Variants in ARHGAP44 observed in about 807,000 individuals in gnomAD.
ARHGAP44 encodes rho GTPase-activating protein 44.
A neutral mutation model predicts 106.8 loss-of-function variants in ARHGAP44; 43 were observed. The ratio of observed to expected loss-of-function variants is 0.40; its 90% CI spans 0.32 to 0.52. The LOEUF is 0.52. Ranked by LOEUF, ARHGAP44 falls within the 20% of genes least tolerant of loss-of-function variation. ARHGAP44 has a pLI of 0.48. For synonymous variants in ARHGAP44, 439 were observed against 410.3 expected (o/e 1.07, Z -0.85); for missense variants, 866 against 1,050.5 (o/e 0.82, Z 2.43).
intron 20 of ARHGAP44, 62 bp from the exon 21 acceptor site, chr17:12,989,970 A>T (rs1372810452): frequency 5.1e-6 from 8 of 1,581,378 alleles, no homozygotes; most frequent in Middle Eastern, 1.7e-4. Context: ...ATTTGCCTAC[A>T]ACTAGGTTCT....
Position 12,980,208 on chromosome 17 carries a change from C to A in ARHGAP44, c.1914C>A (p.Asp638Glu). The A allele has an allele frequency of 6.2e-7, 1 of 1,613,220 alleles. No individual in the cohort carries two copies. The highest frequency in any genetic ancestry group is 8.5e-7 in the Non-Finnish European group (1 of 1,179,800). ...ASPSPSQPPA[D>E]QSPHTLRKVS... ...CCAGCCCCAGCCAGCCGCCTGCAGA[C>A]CAGAGTCCTCACACCCTCCGGAAAG... Residue 638 changes from aspartate (D) to glutamate (E), a missense_variant, in exon 19 of 21, where the codon GAC becomes GAA. By Grantham distance (45) the Asp-to-Glu change is conservative. This residue lies in a region of ARHGAP44 where 418 missense variants were observed against 403.6 expected (regional missense o/e 1.04). Transcript: ENST00000379672.
intron 16 of ARHGAP44, among the ~76,000 whole-genome samples, chr17:12,964,656 C>T (rs375266426): frequency 1.5e-4 from 23 of 152,084 alleles, no homozygotes; most frequent in African/African-American, 5.1e-4. Context: ...TGGTGGCAGA[C>T]GCCTATAATC....
At chr17:12,900,182 C>T (rs140650265) in intron 3 of ARHGAP44, among the ~76,000 whole-genome samples, 2,323 of 151,272 alleles carry the variant, frequency 0.015, 60 homozygotes, top group African/African-American at 0.053. Context: ...CAGGCTGGAG[C>T]GCAGTGGCAC....
intron 1 of ARHGAP44, among the ~76,000 whole-genome samples, chr17:12,814,212 G>A (rs537239234): frequency 1.4e-5 from 2 of 146,660 alleles, no homozygotes; most frequent in East Asian, 2.0e-4. Flanking sequence ...CCCTGTTACT[G>A]TGCAGCCACC....
rs1035605963 is a variant in ARHGAP44 at position 12,930,227 on chromosome 17, T to TTC, written c.582+1193_582+1194dup. On this transcript the variant is annotated intron_variant, in intron 7 of 20. Transcript: ENST00000379672. Reference sequence around the variant, plus strand: ...TACTGTGTTTTCTTTTTTTATTCTTTTCTCTCTCTCTCTTTTTTTTTTTGA... The same window carrying TTC: ...TACTGTGTTTTCTTTTTTTATTCTTTTCTCTCTCTCTCTCTTTTTTTTTTTGA... Among the ~76,000 whole-genome samples, 95 of 152,176 alleles carry TTC rather than the reference T, an allele frequency of 6.2e-4. 2 individuals carry two copies. The highest frequency in any genetic ancestry group is 5.8e-3 in the South Asian group (28 of 4,814).
intron 20 of ARHGAP44, chr17:12,985,233 G>T: frequency 3.6e-6 from 1 of 277,202 alleles, no homozygotes; most frequent in Non-Finnish European, 6.7e-6. Context: ...CTGGAAGCTG[G>T]TTATGATCAC....
chr17:12,818,938 G>A (rs886918202), intron 1 of ARHGAP44, among the ~76,000 whole-genome samples: 5 of 152,068 alleles, frequency 3.3e-5, no homozygotes, highest in Non-Finnish European at 7.4e-5. Flanking sequence ...AAATTTGCAT[G>A]GATAGGCAAA....
chr17:12,987,176 C>T (rs2039981951), intron 20 of ARHGAP44: 9 of 1,527,598 alleles, frequency 5.9e-6, no homozygotes, highest in South Asian at 2.4e-5. Flanking sequence ...GGCCTCGCCC[C>T]TCCACCCCGC....
intron 1 of ARHGAP44, among the ~76,000 whole-genome samples, chr17:12,875,819 C>T (rs1464535838): frequency 1.3e-5 from 2 of 152,154 alleles, no homozygotes; most frequent in Non-Finnish European, 2.9e-5. Context: ...TGGCAGGTGC[C>T]TGTAATCCCA....
At chr17:12,946,051 A>T (rs146600773) in intron 10 of ARHGAP44, among the ~76,000 whole-genome samples, 109 of 152,278 alleles carry the variant, frequency 7.2e-4, no homozygotes, top group Middle Eastern at 6.8e-3. Flanking sequence ...GAGCCACCGC[A>T]CTGGGCCTCA....
intron 12 of ARHGAP44, among the ~76,000 whole-genome samples, chr17:12,950,693 A>G (rs2038972559): frequency 6.6e-6 from 1 of 152,146 alleles, no homozygotes. Context: ...CACAAAGATG[A>G]TGGAGACGAG....
At chr17:12,924,968 CTG>C (rs1316936275) in intron 6 of ARHGAP44, among the ~76,000 whole-genome samples, 3 of 152,066 alleles carry the variant, frequency 2.0e-5, no homozygotes, top group Admixed American at 6.6e-5. Context: ...GGAGTGGAAA[CTG>C]TGCAGGCTAT....
At position 12,901,614 on chromosome 17, in the gene ARHGAP44, A is replaced by G. The variant is rs78690186; in HGVS notation, c.198+5103A>G. ...GGATGTGGGCGTATGAAGAAGAGAG[A>G]GAGGTCTCATGGTCTCAACCCCAAG... On this transcript the variant is annotated intron_variant, in intron 3 of 20. Coordinates refer to ENST00000379672, the MANE Select transcript of ARHGAP44 (RefSeq NM_014859.6). Among the ~76,000 whole-genome samples, 392 of 152,130 alleles carry G rather than the reference A, an allele frequency of 2.6e-3. 9 individuals are homozygous for G. The East Asian group carries it at 0.044, about 17-fold the overall frequency.
At chr17:12,916,058 G>T in intron 5 of ARHGAP44, 47 bp downstream of exon 5, 1 of 1,433,060 alleles carries the variant, frequency 7.0e-7, no homozygotes, top group South Asian at 1.2e-5. Context: ...AGGAGGTACC[G>T]AACAGGAGCC....
chr17:12,913,680 G>A (rs567589000), intron 4 of ARHGAP44, among the ~76,000 whole-genome samples: 2 of 112,242 alleles, frequency 1.8e-5, no homozygotes, highest in Non-Finnish European at 3.3e-5. Context: ...TTGGGAGGCC[G>A]AGGCAGGTGG....
intron 1 of ARHGAP44, among the ~76,000 whole-genome samples, chr17:12,794,313 C>CA (rs1425884596): frequency 6.6e-6 from 1 of 152,006 alleles, no homozygotes; most frequent in Non-Finnish European, 1.5e-5. Context: ...CCAGTCTGCA[C>CA]AGTGGGTTCA....
intron 2 of ARHGAP44, among the ~76,000 whole-genome samples, chr17:12,895,897 G>A: frequency 6.6e-6 from 1 of 152,144 alleles, no homozygotes; most frequent in Non-Finnish European, 1.5e-5. Flanking sequence ...TGTGGCACAT[G>A]TAAGCCATGG....
intron 4 of ARHGAP44, among the ~76,000 whole-genome samples, chr17:12,913,171 A>T (rs538823519): frequency 1.6e-4 from 25 of 152,256 alleles, no homozygotes; most frequent in African/African-American, 6.0e-4. Flanking sequence ...TTAATATATA[A>T]CAGAAGAAAA....
At chr17:12,986,042 T>G (rs2039948349) in intron 20 of ARHGAP44, 1 of 152,226 alleles carries the variant, frequency 6.6e-6, no homozygotes, top group South Asian at 2.1e-4. Flanking sequence ...CCTGTGGGGT[T>G]CAGCTCCGTG....
Sources: gnomAD v4.1 joint callset for allele counts (sites outside exome capture counted in the v4.1 genomes callset) on GRCh38, gnomAD v4.1.1 for gene constraint, gnomAD v4.1.1 regional missense constraint, MANE v1.5 for transcripts, NCBI Gene and HGNC (gene_info 2026-07-23, HGNC 2026-07-21) for gene names.